Variants in GGT5 observed in about 807,000 individuals in gnomAD.
GGT5 encodes the protein glutathione hydrolase 5 proenzyme.
Under a neutral mutation model 58.1 loss-of-function variants are expected in GGT5, and 50 were observed. The ratio of observed to expected loss-of-function variants is 0.86; its 90% CI spans 0.69 to 1.09. The LOEUF (loss-of-function observed/expected upper bound fraction) is 1.09, where lower values mean the gene tolerates loss of function less well. Ranked by LOEUF, GGT5 falls within the 50% of genes least tolerant of loss-of-function variation. The pLI is 0.00. For synonymous variants in GGT5, 370 were observed against 346.1 expected (o/e 1.07, Z -0.77); for missense variants, 800 against 789.4 (o/e 1.01, Z -0.16).
In GGT5 at chr22:24,226,238, G is replaced by A. The variant is rs1381326121; in HGVS notation, c.1067C>T (p.Thr356Ile). The change falls in exon 8 of 12, where the codon ACC becomes ATC. Residue 356 changes from threonine (T) to isoleucine (I), a missense_variant. By Grantham distance (89) the Thr-to-Ile change is moderately conservative. Coordinates refer to ENST00000327365, the MANE Select transcript of GGT5 (RefSeq NM_004121.5). ...QNASRDLLGE[T>I]LAQLIRQQID... ...CTGTTGGCGGATGAGCTGGGCCAGGGTCTCCCCCAGCAGGTCCCGGGAGGC... is the reference window on the plus strand; with the variant it reads ...CTGTTGGCGGATGAGCTGGGCCAGGATCTCCCCCAGCAGGTCCCGGGAGGC... 6.2e-7 allele frequency: 1 copy of A among 1,606,676 alleles called. No individual in the cohort carries two copies. The highest frequency in any genetic ancestry group is 1.1e-5 in the South Asian group (1 of 90,814).
intron 6 of GGT5, among the ~76,000 whole-genome samples, chr22:24,230,692 C>T (rs996684945): frequency 2.0e-5 from 3 of 152,126 alleles, no homozygotes; most frequent in Non-Finnish European, 4.4e-5. Flanking sequence ...CCTTCACCTC[C>T]CTGAATACAC....
Position 24,232,976 on chromosome 22 carries a change from G to A in GGT5, c.443C>T (p.Ala148Val). 6.4e-7 allele frequency: 1 copy of A among 1,560,954 alleles called. No individual in the cohort carries two copies. The highest frequency in any genetic ancestry group is 1.2e-5 in the South Asian group (1 of 84,762). Residue 148 changes from alanine (A) to valine (V), a missense_variant, in exon 4 of 12, where the codon GCC (alanine) becomes GTC (valine). By Grantham distance (64) the Ala-to-Val change is moderately conservative (BLOSUM62 0). Transcript: ENST00000327365. ...IGVPGELRGY[A>V]EAHRRHGRLP... ...GCGGCCATGGCGGCGGTGGGCCTCG[G>A]CATAGCCACGGAGCTCCCCGGGCAC...
intron 1 of GGT5, among the ~76,000 whole-genome samples, chr22:24,237,178 G>A (rs2048123265): frequency 6.6e-6 from 1 of 152,024 alleles, no homozygotes; most frequent in African/African-American, 2.4e-5. Flanking sequence ...TGGGACTATA[G>A]GCGTGAGCCA....
Position 24,232,994 on chromosome 22 carries a change from C to G in GGT5, c.425G>C (p.Gly142Ala). 1 of 1,549,016 alleles carries G rather than the reference C, an allele frequency of 6.5e-7. No individual in the cohort carries two copies. Among genetic ancestry groups the G allele is most frequent in the Non-Finnish European group, 8.7e-7 (1 of 1,146,960 alleles). ...GTGAQWIGVP[G>A]ELRGYAEAHR... ...GGCCTCGGCATAGCCACGGAGCTCCCCGGGCACCCCGATCCACTGGGCCCC... is the reference window on the plus strand; with the variant it reads ...GGCCTCGGCATAGCCACGGAGCTCCGCGGGCACCCCGATCCACTGGGCCCC... The change falls in exon 4 of 12, where the codon GGG becomes GCG. Residue 142 changes from glycine (G) to alanine (A), a missense_variant. Gly to Ala is a moderately conservative substitution (Grantham distance 60, BLOSUM62 0). Transcript: ENST00000327365.
rs779036143 is a variant in GGT5 at position 24,233,533 on chromosome 22, A to C, written c.365T>G (p.Leu122Arg). 6.2e-7 allele frequency: 1 copy of C among 1,609,354 alleles called. No homozygotes were observed. Among genetic ancestry groups the C allele is most frequent in the South Asian group, 1.1e-5 (1 of 90,854 alleles). Residue 122 changes from leucine (L) to arginine (R), a missense_variant, in exon 3 of 12, where the codon CTG becomes CGG. Coordinates refer to ENST00000327365, the MANE Select transcript of GGT5 (RefSeq NM_004121.5). ...TGGCAGAGCCTGTGCACACTGGTCC[A>C]GCAGGCTCGGGGCGTGGCTGGCCGG... ...TVPASHAPSL[L>R]DQCAQALPLG... is the part of the protein sequence containing the mutation.
In GGT5 at chr22:24,233,015, G is replaced by A. The variant is rs2047994897; in HGVS notation, c.404C>T (p.Ala135Val). 2 of 1,527,128 alleles carry A rather than the reference G, an allele frequency of 1.3e-6. No homozygotes were observed. The highest frequency in any genetic ancestry group is 1.3e-5 in the South Asian group (1 of 79,674). The allele number at this position is 1,527,128 out of a possible 1,614,324, so 94.6% of individuals were successfully genotyped here. The change falls in exon 4 of 12, where the codon GCC (alanine) becomes GTC (valine). Residue 135 changes from alanine (A) to valine (V), a missense_variant. Physicochemically the swap from Ala to Val is moderately conservative, Grantham distance 64. Transcript: ENST00000327365. ...CAQALPLGTG[A>V]QWIGVPGELR... The stretch of plus-strand genomic sequence containing the variant: ...CTCCCCGGGCACCCCGATCCACTGG[G>A]CCCCTGCATGGCACATCCCAGCTCT...
At chr22:24,240,119 C>A (rs1276996789) in intron 1 of GGT5, among the ~76,000 whole-genome samples, 1 of 152,140 alleles carries the variant, frequency 6.6e-6, no homozygotes, top group African/African-American at 2.4e-5. Context: ...AAAAAAAGTA[C>A]TAGCTCATGT....
chr22:24,235,155 T>A (rs961288656), intron 1 of GGT5, among the ~76,000 whole-genome samples: 1 of 147,188 alleles, frequency 6.8e-6, no homozygotes, highest in African/African-American at 2.5e-5. Flanking sequence ...GCCTCCCGGA[T>A]TCAAGCGATT....
At chr22:24,226,027 C>A (rs1401497190) in intron 8 of GGT5, 49 bp downstream of exon 8, 2 of 1,339,302 alleles carry the variant, frequency 1.5e-6, no homozygotes, top group South Asian at 2.8e-5. Flanking sequence ...GTGTGCAGGT[C>A]TAGGAGAGGA....
Position 24,238,855 on chromosome 22 carries a change from T to A in GGT5, c.174-4851A>T, listed in dbSNP as rs1387031602. ...TATTTATATATATATATTATATATA[T>A]TATATATATAATATATATAATATAT... On this transcript the variant is annotated intron_variant, in intron 1 of 11. Coordinates refer to ENST00000327365, the MANE Select transcript of GGT5 (RefSeq NM_004121.5). Among the ~76,000 whole-genome samples, 24 of 11,340 alleles carry A rather than the reference T, an allele frequency of 2.1e-3. 2 individuals are homozygous for A. Among genetic ancestry groups the A allele is most frequent in the Non-Finnish European group, 2.7e-3 (20 of 7,530 alleles). The allele number at this position is 11,340 out of a possible 152,430, so 7.4% of individuals were successfully genotyped here. A position where few individuals can be genotyped will look rare whatever the true frequency, so the allele number is the denominator to read the frequency against.
intron 1 of GGT5, among the ~76,000 whole-genome samples, chr22:24,238,974 A>G (rs1181685011): frequency 1.1e-5 from 1 of 88,336 alleles, no homozygotes; most frequent in African/African-American, 4.4e-5. Flanking sequence ...TATATAGCCC[A>G]TGACACAGTC....
intron 1 of GGT5, among the ~76,000 whole-genome samples, chr22:24,239,470 G>A (rs1421475439): frequency 6.6e-6 from 1 of 152,228 alleles, no homozygotes; most frequent in African/African-American, 2.4e-5. Flanking sequence ...ATATGTATGG[G>A]TAAAGTTATA....
chr22:24,225,601 C>T lies in GGT5; in HGVS notation c.1281G>A (p.Glu427=). ...GGCATCGCTCGCATAAGTCCAGGAGCTCGTTGTTGAGGATGATGCCTGTCC... is the reference window on the plus strand; with the variant it reads ...GGCATCGCTCGCATAAGTCCAGGAGTTCGTTGTTGAGGATGATGCCTGTCC... The part of the protein sequence containing the change: ...SPRTGIILNN[E]LLDLCERCPR... Residue 427 remains glutamate, a synonymous_variant, in exon 9 of 12, where the codon GAG becomes GAA. Coordinates refer to ENST00000327365, the MANE Select transcript of GGT5 (RefSeq NM_004121.5). 1.2e-6 allele frequency: 2 copies of T among 1,613,648 alleles called. No homozygotes were observed. Among genetic ancestry groups the T allele is most frequent in the Non-Finnish European group, 1.7e-6 (2 of 1,179,572 alleles).
At chr22:24,224,697 G>A (rs964295937) in intron 11 of GGT5, among the ~76,000 whole-genome samples, 10 of 152,214 alleles carry the variant, frequency 6.6e-5, no homozygotes, top group South Asian at 2.1e-4. Flanking sequence ...AGAGGCCCCA[G>A]CCAGGAAAAC....
rs140116946 is a variant in GGT5 at position 24,221,150 on chromosome 22, G to A, written c.1615-1034C>T. Among the ~76,000 whole-genome samples the A allele has an allele frequency of 1.9e-3, 285 of 152,292 alleles. 1 individual carries two copies. The highest frequency in any genetic ancestry group is 5.4e-3 in the African/African-American group (223 of 41,572). ...TGTCCTTGCTCATTCCTGGGTGTAG[G>A]CTGAACTAACTTTGAGAGAAACTTA... On this transcript the variant is annotated intron_variant, in intron 11 of 11. Transcript: ENST00000327365.
Position 24,244,695 on chromosome 22 carries a change from G to C in GGT5, c.31C>G (p.Leu11Val). MARGYGATVS[L>V]VLLGLGLALA... ...GCCAGCCCCAGACCCAGCAGGACTA[G>C]GCTGACCGTGGCCCCGTAGCCCCGG... Residue 11 changes from leucine to valine, a missense_variant, in exon 1 of 12, where the codon CTA becomes GTA. By Grantham distance (32) the Leu-to-Val change is conservative. Transcript: ENST00000327365. 2 of 1,612,280 alleles carry C rather than the reference G, an allele frequency of 1.2e-6. No homozygotes were observed. Among genetic ancestry groups the C allele is most frequent in the Non-Finnish European group, 1.7e-6 (2 of 1,179,800 alleles).
Position 24,234,023 on chromosome 22 carries a change from A to C in GGT5, c.174-19T>G. ...GATGGCTCTAGGGGACATGGCACAGAGTCGCTGTGGGGCTCCCCTCCCCCT... is the reference window on the plus strand; with the variant it reads ...GATGGCTCTAGGGGACATGGCACAGCGTCGCTGTGGGGCTCCCCTCCCCCT... On this transcript the variant is annotated intron_variant, in intron 1 of 11. Transcript: ENST00000327365. 1 of 1,589,708 alleles carries C rather than the reference A, an allele frequency of 6.3e-7. No individual in the cohort carries two copies. The highest frequency in any genetic ancestry group is 8.6e-7 in the Non-Finnish European group (1 of 1,168,902).
At chr22:24,238,953 TATATA>T (rs1302947943) in intron 1 of GGT5, among the ~76,000 whole-genome samples, 1,510 of 37,822 alleles carry the variant, frequency 0.04, 216 homozygotes, top group Non-Finnish European at 0.058. Context: ...TATATATATA[TATATA>T]ATATATATAT....
chr22:24,219,912 C>T lies in GGT5; in HGVS notation c.*58G>A, dbSNP rs1285822507. 1.5e-5 allele frequency: 23 copies of T among 1,561,188 alleles called. 1 individual carries two copies. The highest frequency in any genetic ancestry group is 1.1e-4 in the South Asian group (10 of 89,012). On this transcript the variant is annotated 3_prime_UTR_variant, in exon 12 of 12. Transcript: ENST00000327365. The stretch of plus-strand genomic sequence containing the variant: ...GAGTAGTTGGTCCCCCAGCCATGTC[C>T]GGCCTGGACACAGGACTCATGGTGG...
Sources: allele counts gnomAD v4.1 joint callset (sites outside exome capture counted in the v4.1 genomes callset), GRCh38; gene constraint gnomAD v4.1.1; transcripts MANE v1.5; gene names NCBI Gene and HGNC (gene_info 2026-07-23, HGNC 2026-07-21).